The following IQCJ variants were observed in gnomAD, a reference collection of about 807,000 sequenced individuals.
IQCJ encodes the protein IQ motif containing J, also known as IQ domain-containing protein J.
In IQCJ, 9 loss-of-function variants were observed where a neutral mutation model predicts 11.0. The ratio of observed to expected loss-of-function variants is 0.82; its 90% confidence interval spans 0.49 to 1.43. The LOEUF is 1.43. IQCJ is among the 40% of genes most tolerant of loss of function. IQCJ has a pLI of 0.00. For missense variants in IQCJ, 146 were observed against 133.2 expected, an observed-to-expected ratio of 1.10 and a Z score of -0.47; for synonymous variants, 55 against 51.3, an observed-to-expected ratio of 1.07 and a Z score of -0.31.
intron 1 of IQCJ, among the ~76,000 whole-genome samples, chr3:159,197,193 G>C (rs7610535): frequency 0.019 from 2,860 of 152,306 alleles, 93 homozygotes; most frequent in African/African-American, 0.066. Flanking sequence ...AGTAGAGTCT[G>C]ACTAAAGTGA....
At chr3:159,174,488 A>G (rs1722666406) in intron 1 of IQCJ, among the ~76,000 whole-genome samples, 1 of 152,142 alleles carries the variant, frequency 6.6e-6, no homozygotes, top group Admixed American at 6.5e-5. Context: ...AAATTTTGTC[A>G]TAAATATTTC....
At position 159,220,036 on chromosome 3, in the gene IQCJ, G is replaced by T. The variant is rs961430909; in HGVS notation, c.10-25807G>T. Among the ~76,000 whole-genome samples the T allele has an allele frequency of 1.3e-4, 20 of 152,198 alleles. 1 individual carries two copies. Among genetic ancestry groups the T allele is most frequent in the Non-Finnish European group, 1.3e-4 (9 of 68,018 alleles). On this transcript the variant is annotated intron_variant, in intron 1 of 3. Coordinates refer to ENST00000397832, the MANE Select transcript of IQCJ (RefSeq NM_001042706.3). ...AAAAAACCCAATGGATGAGGGGCAA[G>T]TTTACAAGTGGCGTGCTTCCATTCT...
At chr3:159,105,747 C>T (rs1251189534) in intron 1 of IQCJ, among the ~76,000 whole-genome samples, 2 of 152,020 alleles carry the variant, frequency 1.3e-5, no homozygotes, top group South Asian at 2.1e-4. Flanking sequence ...AACAAAGAGG[C>T]CCCTGAGATT....
intron 1 of IQCJ, among the ~76,000 whole-genome samples, chr3:159,191,608 G>A (rs995650775): frequency 2.6e-5 from 4 of 152,192 alleles, no homozygotes; most frequent in Non-Finnish European, 4.4e-5. Flanking sequence ...AGTTCATGCA[G>A]AGGGTTAGCC....
At chr3:159,094,571 G>A (rs1577003517) in intron 1 of IQCJ, among the ~76,000 whole-genome samples, 1 of 151,332 alleles carries the variant, frequency 6.6e-6, no homozygotes, top group East Asian at 1.9e-4. Context: ...ATCCTTCAAT[G>A]TTGTCTTTCT....
intron 1 of IQCJ, among the ~76,000 whole-genome samples, chr3:159,121,161 T>G (rs1184822404): frequency 6.6e-6 from 1 of 150,896 alleles, no homozygotes; most frequent in Non-Finnish European, 1.5e-5. Context: ...TTAATTAGGG[T>G]CTTGCACTGT....
chr3:159,212,372 A>C (rs569005937), intron 1 of IQCJ, among the ~76,000 whole-genome samples: 1 of 152,150 alleles, frequency 6.6e-6, no homozygotes, highest in Non-Finnish European at 1.5e-5. Context: ...GGGGGTCATG[A>C]TATTGCTTAC....
In IQCJ at chr3:159,196,482, G is replaced by A. The variant is rs1421145840; in HGVS notation, c.10-49361G>A. The stretch of plus-strand genomic sequence containing the variant: ...CAGAACAATTCAGTCAGAATATCTG[G>A]GAGTAAGACCCAAACATCAGTATTT... On this transcript the variant is annotated intron_variant, in intron 1 of 3. Transcript: ENST00000397832. 2.0e-5 allele frequency among the ~76,000 whole-genome samples: 3 copies of A among 152,124 alleles called. No individual in the cohort carries two copies. The East Asian group carries it at 5.8e-4, about 29-fold the overall frequency.
At chr3:159,124,034 A>G (rs1719531894) in intron 1 of IQCJ, among the ~76,000 whole-genome samples, 1 of 152,042 alleles carries the variant, frequency 6.6e-6, no homozygotes, top group Non-Finnish European at 1.5e-5. Context: ...GTCTCATACT[A>G]TGTATCTTAT....
chr3:159,106,642 CT>C (rs1023220896), intron 1 of IQCJ, among the ~76,000 whole-genome samples: 1 of 152,158 alleles, frequency 6.6e-6, no homozygotes, highest in Non-Finnish European at 1.5e-5. Context: ...TCTCCAGACA[CT>C]AACTAGGTGT....
At chr3:159,206,146 C>G (rs78982803) in intron 1 of IQCJ, among the ~76,000 whole-genome samples, 1,733 of 152,290 alleles carry the variant, frequency 0.011, 31 homozygotes, top group African/African-American at 0.04. Flanking sequence ...TTCAATTATT[C>G]CTTGTTTTCA....
chr3:159,194,270 G>T (rs1560020826), intron 1 of IQCJ, among the ~76,000 whole-genome samples: 1 of 152,090 alleles, frequency 6.6e-6, no homozygotes, highest in Non-Finnish European at 1.5e-5. Flanking sequence ...AATTTCTCTT[G>T]ATTACTTGGC....
intron 1 of IQCJ, among the ~76,000 whole-genome samples, chr3:159,116,302 C>T (rs137861563): frequency 7.6e-4 from 115 of 151,784 alleles, no homozygotes; most frequent in African/African-American, 2.5e-3. Flanking sequence ...AAGAGGAAGA[C>T]AAAGAAGAAA....
At chr3:159,076,879 T>C (rs1226360193) in intron 1 of IQCJ, among the ~76,000 whole-genome samples, 1 of 152,094 alleles carries the variant, frequency 6.6e-6, no homozygotes, top group Non-Finnish European at 1.5e-5. Flanking sequence ...GTGCCTTAGT[T>C]TTTTTGTCTA....
chr3:159,209,487 C>T (rs1724831242), intron 1 of IQCJ, among the ~76,000 whole-genome samples: 1 of 152,122 alleles, frequency 6.6e-6, no homozygotes, highest in African/African-American at 2.4e-5. Context: ...AAGCCAGGTA[C>T]CAAAAGGGCA....
At chr3:159,170,265 G>A (rs1722415956) in intron 1 of IQCJ, among the ~76,000 whole-genome samples, 1 of 152,014 alleles carries the variant, frequency 6.6e-6, no homozygotes, top group Non-Finnish European at 1.5e-5. Flanking sequence ...ACGTTTTTCA[G>A]TATTTTTTTT....
intron 3 of IQCJ, among the ~76,000 whole-genome samples, chr3:159,258,523 A>T (rs1464451081): frequency 6.6e-6 from 1 of 152,138 alleles, no homozygotes; most frequent in East Asian, 1.9e-4. Flanking sequence ...CCTCCCTCAC[A>T]GTTCACTTGT....
At chr3:159,088,863 C>A (rs1485166660) in intron 1 of IQCJ, among the ~76,000 whole-genome samples, 3 of 152,164 alleles carry the variant, frequency 2.0e-5, no homozygotes, top group Non-Finnish European at 2.9e-5. Flanking sequence ...TGGGTCTTGA[C>A]TCTTTATCCA....
intron 1 of IQCJ, among the ~76,000 whole-genome samples, chr3:159,187,777 A>C (rs1406432829): frequency 2.6e-5 from 4 of 152,092 alleles, no homozygotes; most frequent in Non-Finnish European, 5.9e-5. Flanking sequence ...GTCACAAGGG[A>C]GGTGTAGCAT....
Sources: gnomAD v4.1 joint callset for allele counts (sites outside exome capture counted in the v4.1 genomes callset) on GRCh38, gnomAD v4.1.1 for gene constraint, MANE v1.5 for transcripts, NCBI Gene and HGNC (gene_info 2026-07-23, HGNC 2026-07-21) for gene names.